Variants in NLGN1 observed in about 807,000 individuals in gnomAD.
NLGN1 encodes neuroligin 1.
NLGN1 carries 12 observed loss-of-function variants against 65.5 expected under a neutral mutation model. That is an observed-to-expected ratio of 0.18 (90% confidence interval 0.12 to 0.30). NLGN1 has a LOEUF of 0.30. Among genes scored for constraint, NLGN1 ranks in the 10% least tolerant of loss-of-function variants. The pLI is 1.00. For missense variants in NLGN1, 750 were observed against 1,007.1 expected (o/e 0.74, Z 3.46); for synonymous variants, 350 against 359.5 (o/e 0.97, Z 0.30).
At chr3:173,461,789 T>C (rs1224394988) in intron 2 of NLGN1, among the ~76,000 whole-genome samples, 1 of 152,170 alleles carries the variant, frequency 6.6e-6, no homozygotes, top group African/African-American at 2.4e-5. Flanking sequence ...CCCTGGTTTC[T>C]CGTTTTGCCT....
At chr3:173,742,132 T>G (rs1306425889) in intron 3 of NLGN1, among the ~76,000 whole-genome samples, 1 of 152,118 alleles carries the variant, frequency 6.6e-6, no homozygotes, top group Non-Finnish European at 1.5e-5. Flanking sequence ...TCTCCTTCTC[T>G]CCAAGGATAA....
chr3:173,580,476 GATTCTCTTCATTAGAGAATTT>G (rs1746219419), intron 2 of NLGN1, among the ~76,000 whole-genome samples: 3 of 151,856 alleles, frequency 2.0e-5, no homozygotes, highest in South Asian at 2.1e-4. Context: ...CTAATGAAGA[GATTCTCTTCATTAGAGAATTT>G]ATTCTCTTCA....
chr3:173,864,933 T>G (rs1259028188), intron 4 of NLGN1, among the ~76,000 whole-genome samples: 1 of 152,188 alleles, frequency 6.6e-6, no homozygotes, highest in Non-Finnish European at 1.5e-5. Context: ...AAAATACGGT[T>G]TTGATGGGAT....
chr3:174,049,529 T>C (rs1165110482), intron 4 of NLGN1, among the ~76,000 whole-genome samples: 1 of 152,068 alleles, frequency 6.6e-6, no homozygotes, highest in Non-Finnish European at 1.5e-5. Flanking sequence ...CTAGCAGACC[T>C]GGGCAGAAAC....
At chr3:173,424,388 A>G (rs1715709239) in intron 1 of NLGN1, among the ~76,000 whole-genome samples, 1 of 152,220 alleles carries the variant, frequency 6.6e-6, no homozygotes, top group South Asian at 2.1e-4. Flanking sequence ...CTTCCCAGGA[A>G]ATGGGTTTTT....
chr3:173,885,435 T>G (rs1176138153), intron 4 of NLGN1, among the ~76,000 whole-genome samples: 3 of 152,168 alleles, frequency 2.0e-5, no homozygotes, highest in African/African-American at 7.2e-5. Context: ...TTTTCACTAC[T>G]ATATTAAAGT....
intron 3 of NLGN1, among the ~76,000 whole-genome samples, chr3:173,706,848 C>G (rs1768126322): frequency 6.6e-6 from 1 of 152,200 alleles, no homozygotes; most frequent in South Asian, 2.1e-4. Flanking sequence ...CACACACACA[C>G]ATCTTTTCCC....
At chr3:173,834,503 G>A (rs1279591666) in intron 4 of NLGN1, among the ~76,000 whole-genome samples, 1 of 152,026 alleles carries the variant, frequency 6.6e-6, no homozygotes, top group African/African-American at 2.4e-5. Flanking sequence ...ATTTATTCAA[G>A]TAAAGCTTAT....
At chr3:174,223,612 A>C (rs1262390827) in intron 4 of NLGN1, among the ~76,000 whole-genome samples, 4 of 152,092 alleles carry the variant, frequency 2.6e-5, no homozygotes, top group Non-Finnish European at 5.9e-5. Flanking sequence ...TCTTTTCCTG[A>C]CTTCTAAATG....
intron 2 of NLGN1, among the ~76,000 whole-genome samples, chr3:173,585,429 C>T (rs1466172969): frequency 6.6e-6 from 1 of 152,076 alleles, no homozygotes; most frequent in African/African-American, 2.4e-5. Flanking sequence ...GTCGTGGCTT[C>T]TAGGGGGATA....
At chr3:173,895,027 T>G (rs1736089512) in intron 4 of NLGN1, among the ~76,000 whole-genome samples, 1 of 152,204 alleles carries the variant, frequency 6.6e-6, no homozygotes, top group South Asian at 2.1e-4. Flanking sequence ...ACTGGATTTC[T>G]TACTGCAAGG....
At chr3:173,734,858 A>G (rs1289449042) in intron 3 of NLGN1, among the ~76,000 whole-genome samples, 1 of 152,106 alleles carries the variant, frequency 6.6e-6, no homozygotes, top group Non-Finnish European at 1.5e-5. Context: ...CTCTGACTCA[A>G]AGTGATCAGG....
chr3:173,600,523 A>G (rs1750317931), intron 2 of NLGN1, among the ~76,000 whole-genome samples: 1 of 112,898 alleles, frequency 8.9e-6, no homozygotes, highest in Non-Finnish European at 2.2e-5. Flanking sequence ...AGCAGGGAGG[A>G]GTTGAGTTCA....
chr3:173,587,649 GAGTA>G (rs1296278947), intron 2 of NLGN1, among the ~76,000 whole-genome samples: 1 of 152,150 alleles, frequency 6.6e-6, no homozygotes, highest in Non-Finnish European at 1.5e-5. Context: ...TTTTCTATCA[GAGTA>G]ACACAAAATG....
chr3:173,865,304 T>A (rs1469800821), intron 4 of NLGN1, among the ~76,000 whole-genome samples: 1 of 152,176 alleles, frequency 6.6e-6, no homozygotes. Context: ...GACCTTAAAA[T>A]CATGGTATAT....
chr3:173,775,639 T>A (rs532648383), intron 3 of NLGN1, among the ~76,000 whole-genome samples: 1 of 152,304 alleles, frequency 6.6e-6, no homozygotes, highest in African/African-American at 2.4e-5. Context: ...GCGATTATCA[T>A]TTATTAGTTG....
intron 2 of NLGN1, among the ~76,000 whole-genome samples, chr3:173,517,714 G>T (rs908992688): frequency 1.6e-4 from 24 of 151,892 alleles, no homozygotes; most frequent in African/African-American, 4.8e-4. Context: ...ACAGTCAGCA[G>T]CATAATGCAC....
At chr3:174,202,269 C>T (rs1267273274) in intron 4 of NLGN1, among the ~76,000 whole-genome samples, 1 of 152,144 alleles carries the variant, frequency 6.6e-6, no homozygotes, top group East Asian at 1.9e-4. Context: ...TTGTTCCCTG[C>T]TCCTCTTAAA....
chr3:173,699,894 G>A (rs1449002183), intron 3 of NLGN1, among the ~76,000 whole-genome samples: 1 of 152,096 alleles, frequency 6.6e-6, no homozygotes, highest in African/African-American at 2.4e-5. Context: ...GATAGAAAAA[G>A]AAAAAGAAAA....
Sources: allele counts gnomAD v4.1 joint callset (sites outside exome capture counted in the v4.1 genomes callset), GRCh38; gene constraint gnomAD v4.1.1; transcripts MANE v1.5; gene names NCBI Gene and HGNC (gene_info 2026-07-23, HGNC 2026-07-21).